The following NEK7 variants were observed in gnomAD, a reference collection of about 807,000 sequenced individuals.
The protein encoded by NEK7 is serine/threonine-protein kinase Nek7.
Under a neutral mutation model 44.6 loss-of-function variants are expected in NEK7, and 18 were observed. The ratio of observed to expected loss-of-function variants is 0.40; its 90% CI spans 0.28 to 0.60. The LOEUF is 0.60. Among genes scored for constraint, NEK7 ranks in the 20% least tolerant of loss-of-function variants. The probability of loss-of-function intolerance (pLI) is 0.38; values close to 1 mark genes in which losing one functional copy is unlikely to be tolerated. For synonymous variants in NEK7, 130 were observed against 121.1 expected, an observed-to-expected ratio of 1.07 and a Z score of -0.48; for missense variants, 256 against 366.5, an observed-to-expected ratio of 0.70 and a Z score of 2.46.
At chr1:198,216,350 A>G (rs930460951) in intron 1 of NEK7, among the ~76,000 whole-genome samples, 3 of 152,136 alleles carry the variant, frequency 2.0e-5, no homozygotes, top group Non-Finnish European at 2.9e-5. Context: ...TAACCATGAG[A>G]TCAAGATGGA....
At chr1:198,177,542 T>A (rs1026508142) in intron 1 of NEK7, among the ~76,000 whole-genome samples, 3 of 152,110 alleles carry the variant, frequency 2.0e-5, no homozygotes, top group Non-Finnish European at 4.4e-5. Flanking sequence ...AAGGGACATG[T>A]TTGTACAAAA....
intron 1 of NEK7, among the ~76,000 whole-genome samples, chr1:198,200,826 C>T (rs1460748796): frequency 1.3e-5 from 2 of 152,192 alleles, no homozygotes; most frequent in Non-Finnish European, 2.9e-5. Context: ...GTTGGGATTA[C>T]AGGCATGAGC....
chr1:198,168,986 C>T (rs1281538676), intron 1 of NEK7, among the ~76,000 whole-genome samples: 1 of 152,138 alleles, frequency 6.6e-6, no homozygotes, highest in Non-Finnish European at 1.5e-5. Context: ...AATGTTTACT[C>T]ATTTGAAAAG....
In NEK7 at chr1:198,293,075, G is replaced by A. The variant is rs769620350; in HGVS notation, c.684+36G>A. ...TTGATAAATTCCAAATATTGATGCA[G>A]TTTTACTTAGTATATTTCCTCTATC... On this transcript the variant is annotated intron_variant, in intron 8 of 9. Coordinates refer to ENST00000367385, the MANE Select transcript of NEK7 (RefSeq NM_133494.3). 3.2e-5 allele frequency: 33 copies of A among 1,043,980 alleles called. No homozygotes were observed. The South Asian group carries it at 4.2e-4, about 13-fold the overall frequency. The allele number at this position is 1,043,980 out of a possible 1,614,324, so 64.7% of individuals were successfully genotyped here.
intron 1 of NEK7, among the ~76,000 whole-genome samples, chr1:198,160,604 A>C (rs1027700373): frequency 2.0e-5 from 3 of 152,216 alleles, no homozygotes; most frequent in African/African-American, 7.2e-5. Context: ...TCAGCACTTC[A>C]TCAGGATTTA....
intron 1 of NEK7, among the ~76,000 whole-genome samples, chr1:198,158,665 T>C (rs1017980878): frequency 1.3e-5 from 2 of 152,220 alleles, no homozygotes; most frequent in African/African-American, 4.8e-5. Flanking sequence ...CCTCTAATGC[T>C]TTGTGGCAAC....
intron 7 of NEK7, among the ~76,000 whole-genome samples, chr1:198,287,351 G>A (rs1362396751): frequency 4.6e-5 from 7 of 151,810 alleles, no homozygotes; most frequent in African/African-American, 2.4e-5. Context: ...TGTGGATCAC[G>A]CCACTGCACT....
intron 1 of NEK7, among the ~76,000 whole-genome samples, chr1:198,222,872 C>A (rs1311852015): frequency 1.4e-5 from 2 of 148,074 alleles, no homozygotes; most frequent in Non-Finnish European, 3.0e-5. Context: ...AGATAAGAAT[C>A]AAGCGGGGGG....
At chr1:198,226,728 C>T (rs1032313557) in intron 1 of NEK7, among the ~76,000 whole-genome samples, 3 of 151,622 alleles carry the variant, frequency 2.0e-5, no homozygotes, top group Non-Finnish European at 2.9e-5. Flanking sequence ...AGAAGGAGTC[C>T]TTCTAACAAT....
At chr1:198,249,800 T>G (rs1162530598) in intron 2 of NEK7, among the ~76,000 whole-genome samples, 1 of 125,092 alleles carries the variant, frequency 8.0e-6, no homozygotes, top group Non-Finnish European at 1.6e-5. Context: ...CTTTGTCAGA[T>G]GAGTGGGTTG....
chr1:198,235,244 A>C (rs904735103), intron 2 of NEK7, among the ~76,000 whole-genome samples: 3 of 152,170 alleles, frequency 2.0e-5, no homozygotes, highest in African/African-American at 7.2e-5. Context: ...CTCTCACCCC[A>C]TAATGTATAA....
At chr1:198,300,296 G>A (rs12079841) in intron 9 of NEK7, among the ~76,000 whole-genome samples, 27,878 of 151,946 alleles carry the variant, frequency 0.18, 4,151 homozygotes, top group African/African-American at 0.39. Context: ...CAAAAGGCCC[G>A]TCGTAAACTG....
At chr1:198,238,384 G>A (rs1388713098) in intron 2 of NEK7, among the ~76,000 whole-genome samples, 2 of 152,054 alleles carry the variant, frequency 1.3e-5, no homozygotes, top group Non-Finnish European at 2.9e-5. Flanking sequence ...CAGCTTTGAG[G>A]CTTATTCCAT....
intron 9 of NEK7, among the ~76,000 whole-genome samples, chr1:198,301,504 C>T (rs1041864791): frequency 4.6e-5 from 7 of 152,314 alleles, no homozygotes; most frequent in African/African-American, 1.4e-4. Flanking sequence ...GAGCCGAGAT[C>T]GCGCCACTGC....
chr1:198,316,169 T>C (rs1218202622), intron 9 of NEK7, among the ~76,000 whole-genome samples: 1 of 152,020 alleles, frequency 6.6e-6, no homozygotes, highest in African/African-American at 2.4e-5. Flanking sequence ...ATGAAAGGGA[T>C]TGGAAATGGT....
intron 6 of NEK7, among the ~76,000 whole-genome samples, 197 bp downstream of exon 6, chr1:198,278,266 CTT>C (rs1318629909): frequency 6.6e-6 from 1 of 151,360 alleles, no homozygotes; most frequent in East Asian, 2.0e-4. Flanking sequence ...CTGCTTGACT[CTT>C]TTGAGCATCT....
chr1:198,248,341 T>C (rs973821010), intron 2 of NEK7, among the ~76,000 whole-genome samples: 11 of 152,170 alleles, frequency 7.2e-5, no homozygotes, highest in African/African-American at 2.4e-4. Flanking sequence ...TAACTGAAGA[T>C]TGAATGAATA....
chr1:198,162,112 T>C (rs1664123708), intron 1 of NEK7, among the ~76,000 whole-genome samples: 1 of 152,170 alleles, frequency 6.6e-6, no homozygotes, highest in African/African-American at 2.4e-5. Flanking sequence ...TGACCTTTGC[T>C]CTGAAAAGAA....
At chr1:198,306,928 C>T (rs746556621) in intron 9 of NEK7, among the ~76,000 whole-genome samples, 11 of 151,922 alleles carry the variant, frequency 7.2e-5, no homozygotes, top group Non-Finnish European at 1.5e-4. Flanking sequence ...AGAATTCAGC[C>T]TATATAAATC....
Sources: allele counts gnomAD v4.1 joint callset (sites outside exome capture counted in the v4.1 genomes callset), GRCh38; gene constraint gnomAD v4.1.1; transcripts MANE v1.5; gene names NCBI Gene and HGNC (gene_info 2026-07-23, HGNC 2026-07-21).